The following UBA6 variants were observed in gnomAD, a reference collection of about 807,000 sequenced individuals.
UBA6 encodes ubiquitin-like modifier-activating enzyme 6.
UBA6 carries 87 observed loss-of-function variants against 148.3 expected under a neutral mutation model. The observed-to-expected ratio is 0.59, with a 90% CI of 0.49 to 0.70. The LOEUF (loss-of-function observed/expected upper bound fraction) is 0.70, where lower values mean the gene tolerates loss of function less well. Ranked by LOEUF, UBA6 falls within the 30% of genes least tolerant of loss-of-function variation. The pLI, the probability that UBA6 is intolerant of heterozygous loss-of-function variation, is 0.00. For missense variants in UBA6, 1,186 were observed against 1,241.2 expected, an observed-to-expected ratio of 0.96 and a Z score of 0.67; for synonymous variants, 376 against 401.0, an observed-to-expected ratio of 0.94 and a Z score of 0.75.
In UBA6 at chr4:67,646,779, C is replaced by G. The variant is rs1225229160; in HGVS notation, c.1261G>C (p.Ala421Pro). The G allele has an allele frequency of 1.9e-6, 3 of 1,602,244 alleles. No homozygotes were observed. The highest frequency in any genetic ancestry group is 2.6e-6 in the Non-Finnish European group (3 of 1,173,986). Reference sequence around the variant, plus strand: ...CCTAGTGATTCAACAATATCTGCTGCTTCAAGATATAACTTAAAGTAGAAG... The same window carrying G: ...CCTAGTGATTCAACAATATCTGCTGGTTCAAGATATAACTTAAAGTAGAAG... The part of the protein sequence containing the change: ...SPLCQWLYLE[A>P]ADIVESLGKP... Residue 421 changes from alanine to proline, a missense_variant, in exon 15 of 33, where the codon GCA (alanine) becomes CCA (proline). Ala to Pro is a conservative substitution (Grantham distance 27). Coordinates refer to ENST00000322244, the MANE Select transcript of UBA6 (RefSeq NM_018227.6).
Position 67,632,550 on chromosome 4 carries a change from C to T in UBA6, c.2143-642G>A, listed in dbSNP as rs533776372. On this transcript the variant is annotated intron_variant, in intron 23 of 32. Transcript: ENST00000322244. ...TAAAGAGTTCCTTAGATTTTTGAAACGGGTCATTGATAACCATGTTAAGAA... is the reference window on the plus strand; with the variant it reads ...TAAAGAGTTCCTTAGATTTTTGAAATGGGTCATTGATAACCATGTTAAGAA... 1.3e-3 allele frequency among the ~76,000 whole-genome samples: 199 copies of T among 152,058 alleles called. 2 individuals are homozygous for T. The highest frequency in any genetic ancestry group is 4.5e-3 in the African/African-American group (187 of 41,494).
chr4:67,655,038 T>C (rs1030108577), intron 13 of UBA6, among the ~76,000 whole-genome samples: 1 of 152,178 alleles, frequency 6.6e-6, no homozygotes, highest in African/African-American at 2.4e-5. Context: ...CCCTGATTCA[T>C]AAAGCAAGTC....
intron 11 of UBA6, 90 bp downstream of exon 11, chr4:67,663,795 C>T (rs746238211): frequency 9.0e-7 from 1 of 1,115,148 alleles, no homozygotes; most frequent in South Asian, 1.2e-5. Flanking sequence ...CAGATACCTA[C>T]ATGGTTATTC....
At chr4:67,697,295 G>A (rs915038980) in intron 1 of UBA6, among the ~76,000 whole-genome samples, 1 of 152,206 alleles carries the variant, frequency 6.6e-6, no homozygotes, top group African/African-American at 2.4e-5. Context: ...GTGGGCCACT[G>A]TGCCCGCCTG....
chr4:67,635,560 T>A lies in UBA6; in HGVS notation c.1737-2A>T. On this transcript the variant is annotated splice_acceptor_variant, in intron 19 of 32. Coordinates refer to ENST00000322244, the MANE Select transcript of UBA6 (RefSeq NM_018227.6). LOFTEE classifies it high-confidence loss of function. Reference sequence around the variant, plus strand: ...GGCCTTAGATTTGCTAAGCAACGACTATTTGAAAAGACAGCAAGTAAAAAA... The same window carrying A: ...GGCCTTAGATTTGCTAAGCAACGACAATTTGAAAAGACAGCAAGTAAAAAA... 6.2e-7 allele frequency: 1 copy of A among 1,600,448 alleles called. No individual in the cohort carries two copies. The highest frequency in any genetic ancestry group is 8.6e-7 in the Non-Finnish European group (1 of 1,168,492).
intron 7 of UBA6, 128 bp downstream of exon 7, chr4:67,673,569 A>T: frequency 2.0e-6 from 1 of 506,724 alleles, no homozygotes; most frequent in Non-Finnish European, 3.5e-6. Context: ...TATCAAAATT[A>T]ATGAAAAAAA....
intron 15 of UBA6, among the ~76,000 whole-genome samples, chr4:67,646,515 T>C (rs1729424629): frequency 6.6e-6 from 1 of 152,164 alleles, no homozygotes; most frequent in African/African-American, 2.4e-5. Flanking sequence ...ACCATTCTCA[T>C]GGGATACAAT....
At chr4:67,636,388 C>T (rs545413834) in intron 19 of UBA6, among the ~76,000 whole-genome samples, 16 of 152,266 alleles carry the variant, frequency 1.1e-4, no homozygotes, top group Non-Finnish European at 2.2e-4. Context: ...CTCCTGCTCC[C>T]GCTCCCCACG....
intron 18 of UBA6, among the ~76,000 whole-genome samples, chr4:67,639,775 T>G (rs766807696): frequency 3.7e-4 from 57 of 152,118 alleles, no homozygotes; most frequent in Non-Finnish European, 1.5e-4. Context: ...TAGTAAGAGA[T>G]TAATAACAAT....
chr4:67,619,662 T>G (rs1258904475), intron 32 of UBA6, among the ~76,000 whole-genome samples: 1 of 152,216 alleles, frequency 6.6e-6, no homozygotes, highest in East Asian at 1.9e-4. Flanking sequence ...CCTCTTAAGT[T>G]TGGAGGCATC....
chr4:67,657,841 A>G (rs1329131111), intron 13 of UBA6, among the ~76,000 whole-genome samples: 1 of 150,854 alleles, frequency 6.6e-6, no homozygotes, highest in Non-Finnish European at 1.5e-5. Flanking sequence ...AAAAAAAAAA[A>G]AAGAAAACAA....
intron 13 of UBA6, among the ~76,000 whole-genome samples, chr4:67,655,702 A>C (rs1022791123): frequency 6.6e-6 from 1 of 152,218 alleles, no homozygotes; most frequent in Admixed American, 6.5e-5. Flanking sequence ...AGGAGAACTG[A>C]AGGAGATAGA....
At chr4:67,698,699 C>T (rs1301831470) in intron 1 of UBA6, among the ~76,000 whole-genome samples, 2 of 152,300 alleles carry the variant, frequency 1.3e-5, no homozygotes, top group East Asian at 3.9e-4. Context: ...GTGGCTCATG[C>T]TTGTAATCCC....
chr4:67,649,250 A>C (rs1312653000), intron 13 of UBA6, 39 bp from the exon 14 acceptor site: 1 of 1,558,798 alleles, frequency 6.4e-7, no homozygotes, highest in African/African-American at 1.4e-5. Context: ...CATTAACAGC[A>C]TTTACACAGT....
intron 2 of UBA6, among the ~76,000 whole-genome samples, chr4:67,694,215 C>CAAAAAAAAA (rs769649769): frequency 1.1e-3 from 44 of 41,878 alleles, no homozygotes; most frequent in Non-Finnish European, 1.2e-3. Flanking sequence ...GACTCCATCT[C>CAAAAAAAAA]AAAAAAAAAA....
In UBA6 at chr4:67,624,855, T is replaced by G. The variant is rs1056573162; in HGVS notation, c.2712+139A>C. 174 of 638,510 alleles carry G rather than the reference T, an allele frequency of 2.7e-4. 1 individual carries two copies. Among genetic ancestry groups the G allele is most frequent in the Middle Eastern group, 1.3e-3 (3 of 2,294 alleles). 39.6% of individuals were successfully genotyped at this position (638,510 alleles called of 1,614,324 possible). A position where few individuals can be genotyped will look rare whatever the true frequency, so the allele number is the denominator to read the frequency against. On this transcript the variant is annotated intron_variant, in intron 29 of 32. Coordinates refer to ENST00000322244, the MANE Select transcript of UBA6 (RefSeq NM_018227.6). ...CAGATGACTGCATTTTCAGAAAATA[T>G]TTTGAAATTTTAAATTATGAGATCC...
rs1468714622 is a variant in UBA6 at position 67,678,441 on chromosome 4, G to A, written c.351C>T (p.Asn117=). 8 of 1,570,722 alleles carry A rather than the reference G, an allele frequency of 5.1e-6. No homozygotes were observed. Among genetic ancestry groups the A allele is most frequent in the Non-Finnish European group, 6.9e-6 (8 of 1,155,338 alleles). ...ATAATACATCAAAATATCTTTACCT[G>A]TTTCTCTTATTAACAACATCATCTT... ...LSEDDVVNKR[N]RAEAVLKHIA... Residue 117 remains asparagine, a splice_region_variant and synonymous_variant, in exon 5 of 33, where the codon AAC becomes AAT. Coordinates refer to ENST00000322244, the MANE Select transcript of UBA6 (RefSeq NM_018227.6).
intron 13 of UBA6, among the ~76,000 whole-genome samples, chr4:67,652,803 A>C (rs1266665159): frequency 1.3e-5 from 2 of 152,222 alleles, no homozygotes; most frequent in African/African-American, 2.4e-5. Flanking sequence ...ATCCTTGGAA[A>C]AACGGTACAC....
chr4:67,678,656 G>T, intron 4 of UBA6, 123 bp from the exon 5 acceptor site: 1 of 460,768 alleles, frequency 2.2e-6, no homozygotes, highest in Non-Finnish European at 3.9e-6. Context: ...AGTAAACAAA[G>T]GCATAAGAAT....
Sources: gnomAD v4.1 joint callset for allele counts (sites outside exome capture counted in the v4.1 genomes callset) on GRCh38, gnomAD v4.1.1 for gene constraint, MANE v1.5 for transcripts, NCBI Gene and HGNC (gene_info 2026-07-23, HGNC 2026-07-21) for gene names.